NHSL2: variants seen among roughly 807,000 people sequenced by gnomAD.
NHSL2 encodes the protein NHS-like protein 2.
Under a neutral mutation model 53.4 loss-of-function variants are expected in NHSL2, and 27 were observed. The ratio of observed to expected loss-of-function variants is 0.51; its 90% CI spans 0.37 to 0.70. The LOEUF is 0.70. Ranked by LOEUF, NHSL2 falls within the 30% of genes least tolerant of loss-of-function variation. The pLI is 0.00. For missense variants in NHSL2, 892 were observed against 980.1 expected, an observed-to-expected ratio of 0.91 and a Z score of 1.20; for synonymous variants, 408 against 404.1, an observed-to-expected ratio of 1.01 and a Z score of -0.12.
intron 1 of NHSL2, among the ~76,000 whole-genome samples, chrX:72,074,967 A>T (rs1399201107): frequency 8.9e-6 from 1 of 112,315 alleles, no homozygotes; most frequent in Non-Finnish European, 1.9e-5. Flanking sequence ...AATAATAAAA[A>T]CCATTAACAC....
At position 72,114,120 on chromosome X, in the gene NHSL2, T is replaced by C. The variant is rs897234046; in HGVS notation, c.281-17959T>C. 3.6e-5 allele frequency among the ~76,000 whole-genome samples: 4 copies of C among 112,480 alleles called. 1 individual carries two copies. The highest frequency in any genetic ancestry group is 3.8e-5 in the Non-Finnish European group (2 of 53,305). ...GCATAGGAAAATTTCTGGAAAGATA[T>C]ACCCAAGGTATCAGCCGTGGTTGCC... On this transcript the variant is annotated intron_variant, in intron 1 of 7. Coordinates refer to ENST00000633930, the MANE Select transcript of NHSL2 (RefSeq NM_001013627.3).
intron 1 of NHSL2, chrX:72,130,934 C>G: frequency 1.7e-6 from 2 of 1,211,882 alleles, no homozygotes; most frequent in Non-Finnish European, 1.1e-6. Flanking sequence ...ACCGAGATGG[C>G]CCAGTCCTTG....
At chrX:72,049,750 G>A (rs2147928652) in intron 1 of NHSL2, among the ~76,000 whole-genome samples, 1 of 107,124 alleles carries the variant, frequency 9.3e-6, no homozygotes, top group South Asian at 4.3e-4. Flanking sequence ...CATTGTGAGT[G>A]CCTGCTTTGG....
At chrX:72,024,237 C>G (rs1467587004) in intron 1 of NHSL2, among the ~76,000 whole-genome samples, 1 of 111,693 alleles carries the variant, frequency 9.0e-6, no homozygotes, top group African/African-American at 3.3e-5. Flanking sequence ...TGAACTCTTA[C>G]ACAGGAAGCT....
At chrX:71,985,622 A>G (rs2041999696) in intron 1 of NHSL2, among the ~76,000 whole-genome samples, 1 of 112,672 alleles carries the variant, frequency 8.9e-6, no homozygotes, top group Non-Finnish European at 1.9e-5. Flanking sequence ...AAAGCTGTAA[A>G]TAGCTTAAAA....
intron 1 of NHSL2, among the ~76,000 whole-genome samples, chrX:72,070,753 A>AC (rs930394399): frequency 1.9e-5 from 2 of 104,939 alleles, no homozygotes; most frequent in African/African-American, 7.0e-5. Flanking sequence ...CACCACCACC[A>AC]CACACACACA....
intron 1 of NHSL2, among the ~76,000 whole-genome samples, chrX:71,934,994 G>A (rs2041730810): frequency 9.0e-6 from 1 of 110,977 alleles, no homozygotes; most frequent in South Asian, 3.9e-4. Context: ...CAATATAACT[G>A]GCAGGACCGT....
chrX:72,093,416 T>A (rs1348172019), intron 1 of NHSL2, among the ~76,000 whole-genome samples: 2 of 112,460 alleles, frequency 1.8e-5, no homozygotes, highest in African/African-American at 6.5e-5. Flanking sequence ...ATGGCAGTAG[T>A]CAGGTTATCT....
chrX:71,921,276 C>T lies in NHSL2; in HGVS notation c.280+9909C>T, dbSNP rs371033611. 2.2e-4 allele frequency among the ~76,000 whole-genome samples: 24 copies of T among 107,019 alleles called. No homozygotes were observed. In the East Asian group the frequency reaches 5.8e-3, roughly 26 times the overall value. The allele number at this position is 107,019 out of a possible 115,157, so 92.9% of individuals were successfully genotyped here. A position where few individuals can be genotyped will look rare whatever the true frequency, so the allele number is the denominator to read the frequency against. ...TCTACTAATAATACAAAAAATTAGC[C>T]GGGTGTGGTTGCGCATGCCTGTAAT... On this transcript the variant is annotated intron_variant, in intron 1 of 7. Transcript: ENST00000633930.
At chrX:72,055,730 G>T (rs980501355) in intron 1 of NHSL2, among the ~76,000 whole-genome samples, 38 of 111,869 alleles carry the variant, frequency 3.4e-4, no homozygotes, top group African/African-American at 1.1e-3. Flanking sequence ...TTTCATGGCA[G>T]ATAACAAAAA....
chrX:72,118,297 A>T (rs1381007824), intron 1 of NHSL2, among the ~76,000 whole-genome samples: 6 of 111,915 alleles, frequency 5.4e-5, no homozygotes, highest in Non-Finnish European at 1.1e-4. Context: ...GTCTGTTCAG[A>T]TCCTTTGCCC....
chrX:72,020,084 C>T (rs1342790358), intron 1 of NHSL2, among the ~76,000 whole-genome samples: 1 of 112,560 alleles, frequency 8.9e-6, no homozygotes, highest in Non-Finnish European at 1.9e-5. Context: ...GATTTTTCTT[C>T]GTGTTATTTT....
Position 72,134,237 on chromosome X carries a change from C to A in NHSL2, c.564+19C>A. On this transcript the variant is annotated intron_variant, in intron 3 of 7. Coordinates refer to ENST00000633930, the MANE Select transcript of NHSL2 (RefSeq NM_001013627.3). ...ATTGATGGTGAGTTGCCTCATCCCC[C>A]ACCTGGGAGAGCCAGCATGCACCCA... The A allele has an allele frequency of 8.6e-7, 1 of 1,159,748 alleles. No individual in the cohort carries two copies. Among genetic ancestry groups the A allele is most frequent in the Non-Finnish European group, 1.2e-6 (1 of 867,316 alleles).
intron 1 of NHSL2, among the ~76,000 whole-genome samples, chrX:72,064,550 A>G (rs2042416792): frequency 8.9e-6 from 1 of 112,217 alleles, no homozygotes; most frequent in South Asian, 3.7e-4. Context: ...TTCTTGTCCC[A>G]GCTCTTGGGT....
At chrX:72,057,148 A>T (rs1204788583) in intron 1 of NHSL2, among the ~76,000 whole-genome samples, 1 of 112,279 alleles carries the variant, frequency 8.9e-6, no homozygotes, top group Non-Finnish European at 1.9e-5. Context: ...CCTCTTGAAA[A>T]GGTACTTTAT....
At chrX:71,962,880 C>A (rs897662536) in intron 1 of NHSL2, among the ~76,000 whole-genome samples, 2 of 110,174 alleles carry the variant, frequency 1.8e-5, no homozygotes, top group African/African-American at 6.6e-5. Context: ...TCAAGTGATC[C>A]TCCTGCCTCA....
At chrX:71,994,726 A>G (rs2042042409) in intron 1 of NHSL2, among the ~76,000 whole-genome samples, 1 of 111,537 alleles carries the variant, frequency 9.0e-6, no homozygotes, top group Non-Finnish European at 1.9e-5. Flanking sequence ...GATGAGTCTG[A>G]TCTCAGCTTT....
chrX:72,124,142 A>T (rs780510977), intron 1 of NHSL2, among the ~76,000 whole-genome samples: 1 of 107,493 alleles, frequency 9.3e-6, no homozygotes, highest in South Asian at 4.0e-4. Flanking sequence ...CCCACCTCCC[A>T]TTAAGGGGGT....
chrX:71,945,274 G>A (rs1480381710), intron 1 of NHSL2, among the ~76,000 whole-genome samples: 1 of 112,284 alleles, frequency 8.9e-6, no homozygotes, highest in African/African-American at 3.2e-5. Flanking sequence ...AGCAGGCTAC[G>A]TTCCAAATGT....
Sources: gnomAD v4.1 joint callset for allele counts (sites outside exome capture counted in the v4.1 genomes callset) on GRCh38, gnomAD v4.1.1 for gene constraint, MANE v1.5 for transcripts, NCBI Gene and HGNC (gene_info 2026-07-23, HGNC 2026-07-21) for gene names.